Variants in KIAA1217 observed in about 807,000 individuals in gnomAD.
KIAA1217 encodes KIAA1217.
In KIAA1217, 88 loss-of-function variants were observed where a neutral mutation model predicts 163.9. The ratio of observed to expected loss-of-function variants is 0.54; its 90% CI spans 0.45 to 0.64. KIAA1217 has a LOEUF of 0.64. Ranked by LOEUF, KIAA1217 falls within the 30% of genes least tolerant of loss-of-function variation. The pLI, the probability that KIAA1217 is intolerant of heterozygous loss-of-function variation, is 0.00. For missense variants in KIAA1217, 2,372 were observed against 2,475.0 expected (o/e 0.96, Z 0.88); for synonymous variants, 903 against 923.1 (o/e 0.98, Z 0.39).
intron 1 of KIAA1217, among the ~76,000 whole-genome samples, chr10:23,967,582 AG>A (rs1228308856): frequency 1.3e-5 from 2 of 152,218 alleles, no homozygotes; most frequent in Non-Finnish European, 2.9e-5. Context: ...TTAGAATGCT[AG>A]GTAGTATTGC....
At chr10:23,721,308 G>C (rs995831032) in intron 1 of KIAA1217, among the ~76,000 whole-genome samples, 1 of 152,052 alleles carries the variant, frequency 6.6e-6, no homozygotes. Context: ...AGTGATTTAG[G>C]GCTTCTTGCT....
At chr10:23,826,894 C>T (rs992656968) in intron 1 of KIAA1217, among the ~76,000 whole-genome samples, 4 of 152,088 alleles carry the variant, frequency 2.6e-5, no homozygotes, top group African/African-American at 9.7e-5. Context: ...GAGTCAAGTC[C>T]CCTATAGTGA....
intron 1 of KIAA1217, among the ~76,000 whole-genome samples, chr10:23,818,050 CAT>C (rs1331715499): frequency 6.6e-5 from 7 of 106,364 alleles, no homozygotes; most frequent in Admixed American, 9.6e-5. Context: ...TATATATACA[CAT>C]ATATATACAT....
At chr10:24,331,440 G>A (rs989642715) in intron 2 of KIAA1217, among the ~76,000 whole-genome samples, 2 of 152,244 alleles carry the variant, frequency 1.3e-5, no homozygotes, top group African/African-American at 2.4e-5. Context: ...GTGTTGAAGA[G>A]GAAGCAGCTA....
intron 1 of KIAA1217, among the ~76,000 whole-genome samples, chr10:23,876,683 T>C (rs970878487): frequency 1.3e-5 from 2 of 151,956 alleles, no homozygotes; most frequent in Non-Finnish European, 2.9e-5. Context: ...TTCTTTCTCA[T>C]AAATTCTTCT....
chr10:24,057,987 C>T (rs138488113), intron 2 of KIAA1217, among the ~76,000 whole-genome samples: 5 of 152,318 alleles, frequency 3.3e-5, no homozygotes, highest in Admixed American at 1.3e-4. Context: ...AGGCCAATGT[C>T]ATGAATCTTT....
At position 23,974,451 on chromosome 10, in the gene KIAA1217, G is replaced by A. The variant is rs186067490; in HGVS notation, c.-320-32774G>A. 1.2e-3 allele frequency among the ~76,000 whole-genome samples: 183 copies of A among 152,154 alleles called. 3 individuals are homozygous for A. The highest frequency in any genetic ancestry group is 4.0e-3 in the African/African-American group (165 of 41,488). ...CTCAGTTGTTTTCTTCTACAAATGCGGTTATTAATTTAAAAGGGTTTATAA... is the reference window on the plus strand; with the variant it reads ...CTCAGTTGTTTTCTTCTACAAATGCAGTTATTAATTTAAAAGGGTTTATAA... On this transcript the variant is annotated intron_variant, in intron 1 of 18. Transcript: ENST00000376462.
At chr10:24,017,791 G>T (rs762194069) in intron 2 of KIAA1217, among the ~76,000 whole-genome samples, 1 of 152,052 alleles carries the variant, frequency 6.6e-6, no homozygotes, top group Non-Finnish European at 1.5e-5. Context: ...CCAGACCTGG[G>T]TTCCAAAGGT....
chr10:24,176,022 G>C (rs1225339172), intron 2 of KIAA1217, among the ~76,000 whole-genome samples: 1 of 152,130 alleles, frequency 6.6e-6, no homozygotes, highest in Admixed American at 6.5e-5. Context: ...GCTGCTGCTG[G>C]CTCTGGCAAC....
intron 2 of KIAA1217, among the ~76,000 whole-genome samples, chr10:24,325,380 G>A (rs1452127869): frequency 6.6e-6 from 1 of 152,146 alleles, no homozygotes; most frequent in East Asian, 1.9e-4. Flanking sequence ...GGGAATTATG[G>A]AAGCAGGATG....
chr10:24,167,225 G>A (rs11013925), intron 2 of KIAA1217, among the ~76,000 whole-genome samples: 98,371 of 151,296 alleles, frequency 0.65, 32,808 homozygotes, highest in Non-Finnish European at 0.73. Context: ...CTGATAAAAA[G>A]CACTGAATAA....
intron 1 of KIAA1217, among the ~76,000 whole-genome samples, chr10:23,797,915 G>A (rs117201491): frequency 0.011 from 1,677 of 152,274 alleles, 10 homozygotes; most frequent in Middle Eastern, 0.034. Context: ...CAGTTCTCAT[G>A]AATCCTAGAA....
chr10:24,077,069 G>A (rs1324877185), intron 2 of KIAA1217, among the ~76,000 whole-genome samples: 4 of 152,030 alleles, frequency 2.6e-5, no homozygotes, highest in African/African-American at 9.7e-5. Flanking sequence ...TAGAGACAGG[G>A]TTTTACCGTG....
intron 8 of KIAA1217, among the ~76,000 whole-genome samples, chr10:24,495,457 C>T (rs755366255): frequency 7.2e-5 from 11 of 152,088 alleles, no homozygotes; most frequent in Non-Finnish European, 7.4e-5. Context: ...CTTGCAGACA[C>T]GGGGCTGCCT....
chr10:24,005,837 A>G (rs1846969131), intron 1 of KIAA1217, among the ~76,000 whole-genome samples: 1 of 152,224 alleles, frequency 6.6e-6, no homozygotes, highest in Non-Finnish European at 1.5e-5. Context: ...CAGAGTAGGT[A>G]AGAATGTGTG....
chr10:23,907,772 C>T (rs1281515333), intron 1 of KIAA1217, among the ~76,000 whole-genome samples: 1 of 152,118 alleles, frequency 6.6e-6, no homozygotes, highest in East Asian at 1.9e-4. Context: ...GTTTTACCAG[C>T]TACCTGGGCA....
intron 3 of KIAA1217, among the ~76,000 whole-genome samples, chr10:24,402,516 C>CAAAAACAAAAAAAAA (rs2056667285): frequency 2.2e-5 from 2 of 92,986 alleles, no homozygotes; most frequent in African/African-American, 8.7e-5. Context: ...CTCAAAAAAA[C>CAAAAACAAAAAAAAA]AAAAAACAAA....
chr10:23,799,010 G>A (rs1425187637), intron 1 of KIAA1217, among the ~76,000 whole-genome samples: 2 of 152,194 alleles, frequency 1.3e-5, no homozygotes, highest in Non-Finnish European at 2.9e-5. Context: ...TGAGGACTGT[G>A]AGAGAGAATC....
intron 2 of KIAA1217, among the ~76,000 whole-genome samples, chr10:24,135,795 G>C (rs568630257): frequency 2.6e-5 from 4 of 152,124 alleles, no homozygotes; most frequent in Non-Finnish European, 5.9e-5. Flanking sequence ...TGGTTTCTCC[G>C]TGTATCAAAT....
Sources: gnomAD v4.1 joint callset for allele counts (sites outside exome capture counted in the v4.1 genomes callset) on GRCh38, gnomAD v4.1.1 for gene constraint, MANE v1.5 for transcripts, NCBI Gene and HGNC (gene_info 2026-07-23, HGNC 2026-07-21) for gene names.